RMST: variants seen among roughly 807,000 people sequenced by gnomAD.
RMST encodes the protein rhabdomyosarcoma 2 associated transcript.
chr12:97,496,203 T>G (rs1432307798), intron 10 of RMST: 1 of 152,140 alleles, frequency 6.6e-6, no homozygotes, highest in Non-Finnish European at 1.5e-5. Flanking sequence ...CAACTCCTGA[T>G]TATAGGATGC....
At chr12:97,479,451 T>C (rs1343503042) in intron 5 of RMST, among the ~76,000 whole-genome samples, 1 of 152,114 alleles carries the variant, frequency 6.6e-6, no homozygotes, top group African/African-American at 2.4e-5. Context: ...CAATGCCCAG[T>C]CTTTACTTTG....
At chr12:97,475,684 G>A (rs1461532153) in intron 5 of RMST, among the ~76,000 whole-genome samples, 1 of 150,770 alleles carries the variant, frequency 6.6e-6, no homozygotes, top group Non-Finnish European at 1.5e-5. Context: ...TTACTATACA[G>A]AGGTTTAGAG....
At chr12:97,544,127 G>A (rs764939347) in intron 11 of RMST, among the ~76,000 whole-genome samples, 1 of 151,918 alleles carries the variant, frequency 6.6e-6, no homozygotes, top group Non-Finnish European at 1.5e-5. Context: ...AACACTCCAG[G>A]TTTTGATGCT....
chr12:97,465,368 G>C (rs553095978), intron 4 of RMST, among the ~76,000 whole-genome samples: 1 of 152,238 alleles, frequency 6.6e-6, no homozygotes, highest in Admixed American at 6.5e-5. Flanking sequence ...ATGGTCTCTA[G>C]GCTTCCTTGT....
chr12:97,559,754 C>T (rs975177764), intron 11 of RMST, among the ~76,000 whole-genome samples: 3 of 152,168 alleles, frequency 2.0e-5, no homozygotes, highest in Non-Finnish European at 4.4e-5. Flanking sequence ...TTCTTCATTT[C>T]ATTGCTTCTA....
rs1002055795 is a variant in RMST, at chr12:97,504,496, G to A, written n.1340+8440G>A. ...TTAAATACTAGGTTTCCTAAAATAC[G>A]TTTCTTATTTTATGTCAGTATTTTC... On this transcript the variant is annotated intron_variant and non_coding_transcript_variant, in intron 10 of 13. Coordinates refer to ENST00000640149, the Ensembl canonical transcript of RMST. Among the ~76,000 whole-genome samples the A allele has an allele frequency of 7.3e-5, 11 of 150,046 alleles. 1 individual carries two copies. The highest frequency in any genetic ancestry group is 4.2e-4 in the South Asian group (2 of 4,754).
chr12:97,551,835 C>G (rs913256461), intron 11 of RMST: 1 of 152,090 alleles, frequency 6.6e-6, no homozygotes, highest in Non-Finnish European at 1.5e-5. Flanking sequence ...CACATAGGAA[C>G]GACTATGCTC....
At chr12:97,535,848 G>A (rs1025284738) in intron 11 of RMST, among the ~76,000 whole-genome samples, 1 of 151,418 alleles carries the variant, frequency 6.6e-6, no homozygotes, top group African/African-American at 2.4e-5. Flanking sequence ...TAATACACTG[G>A]GTCACCCATG....
At chr12:97,491,964 C>G (rs777863749) in intron 5 of RMST, 1 of 533,542 alleles carries the variant, frequency 1.9e-6, no homozygotes, top group South Asian at 1.4e-5. Context: ...TTTGCTCAGC[C>G]AGTGTAGACA....
At chr12:97,529,793 G>A (rs369154901) in intron 10 of RMST, among the ~76,000 whole-genome samples, 155 of 152,202 alleles carry the variant, frequency 1.0e-3, no homozygotes, top group African/African-American at 3.6e-3. Context: ...CATGATGCAA[G>A]TGTTGTGTAT....
chr12:97,483,872 C>A (rs1565919646), intron 5 of RMST, among the ~76,000 whole-genome samples: 1 of 152,116 alleles, frequency 6.6e-6, no homozygotes, highest in African/African-American at 2.4e-5. Flanking sequence ...TGCTTTTCGA[C>A]CTAATGTATG....
At chr12:97,546,392 G>A (rs964750655) in intron 11 of RMST, among the ~76,000 whole-genome samples, 87 of 152,098 alleles carry the variant, frequency 5.7e-4, no homozygotes, top group African/African-American at 1.8e-3. Context: ...GACCAGCCTG[G>A]CCAACATGGT....
At chr12:97,514,744 CAG>C (rs905252965) in intron 10 of RMST, among the ~76,000 whole-genome samples, 4 of 151,384 alleles carry the variant, frequency 2.6e-5, no homozygotes, top group Non-Finnish European at 4.4e-5. Context: ...TTATGGAACA[CAG>C]AGTAAGAGCT....
chr12:97,491,607 T>C (rs1876824177), intron 5 of RMST: 1 of 213,534 alleles, frequency 4.7e-6, no homozygotes, highest in Non-Finnish European at 1.0e-5. Flanking sequence ...GGAAGAGGTA[T>C]TGCATTTTAA....
intron 11 of RMST, among the ~76,000 whole-genome samples, chr12:97,559,076 T>A (rs1010487285): frequency 2.0e-5 from 3 of 147,912 alleles, no homozygotes; most frequent in African/African-American, 7.6e-5. Flanking sequence ...GATGCAAATA[T>A]GATTTCGAGG....
At chr12:97,524,734 CTGGG>C (rs1880915700) in intron 10 of RMST, among the ~76,000 whole-genome samples, 1 of 152,150 alleles carries the variant, frequency 6.6e-6, no homozygotes, top group Non-Finnish European at 1.5e-5. Flanking sequence ...GAGTCTGTGA[CTGGG>C]AGCTGAACTT....
intron 5 of RMST, among the ~76,000 whole-genome samples, chr12:97,468,885 C>T (rs1281328747): frequency 3.3e-5 from 5 of 151,920 alleles, no homozygotes; most frequent in South Asian, 2.1e-4. Context: ...CAGTGCCTAC[C>T]GTGTGCCAGA....
intron 10 of RMST, among the ~76,000 whole-genome samples, chr12:97,500,405 C>T (rs1394596962): frequency 6.6e-6 from 1 of 152,150 alleles, no homozygotes; most frequent in African/African-American, 2.4e-5. Flanking sequence ...ATCCTCTACA[C>T]AAATGAGGGA....
At chr12:97,512,980 G>A (rs1435901083) in intron 10 of RMST, among the ~76,000 whole-genome samples, 3 of 152,244 alleles carry the variant, frequency 2.0e-5, no homozygotes, top group African/African-American at 7.2e-5. Context: ...GCAGCTGCTA[G>A]CCCAGGTGCT....
Sources: allele counts gnomAD v4.1 joint callset (sites outside exome capture counted in the v4.1 genomes callset), GRCh38; gene constraint gnomAD v4.1.1; transcripts MANE v1.5; gene names NCBI Gene and HGNC (gene_info 2026-07-23, HGNC 2026-07-21).